RPSA2: variants seen among roughly 807,000 people sequenced by gnomAD.
RPSA2 encodes the protein ribosomal protein SA 2, also known as small ribosomal subunit protein uS2B.
At chr19:23,864,895 C>A in the RPSA2 span, among the ~76,000 whole-genome samples, 1 of 152,146 alleles carries the variant, frequency 6.6e-6, no homozygotes, top group East Asian at 1.9e-4. Context: ...CCCTCTTCTC[C>A]CTGTCTCCTT....
At chr19:23,825,986 A>G in the RPSA2 span, among the ~76,000 whole-genome samples, 1 of 150,932 alleles carries the variant, frequency 6.6e-6, no homozygotes, top group Admixed American at 6.6e-5. Flanking sequence ...ATTTAAAACT[A>G]TCATAACTCT....
At chr19:23,760,364 G>C in the RPSA2 span, among the ~76,000 whole-genome samples, 1 of 152,002 alleles carries the variant, frequency 6.6e-6, no homozygotes, top group South Asian at 2.1e-4. Flanking sequence ...ATTTGTATAG[G>C]CTTTATTAGA....
At chr19:23,855,803 G>A in the RPSA2 span, among the ~76,000 whole-genome samples, 1 of 152,170 alleles carries the variant, frequency 6.6e-6, no homozygotes, top group Admixed American at 6.5e-5. Context: ...ACAGGAGGGT[G>A]AGGAGCTGCA....
At chr19:23,758,846 C>A in the RPSA2 span, 41 of 1,564,726 alleles carry the variant, frequency 2.6e-5, 1 homozygote, top group South Asian at 4.5e-4. Flanking sequence ...GAAGAGGACA[C>A]AGAGCAGTGA....
the RPSA2 span, among the ~76,000 whole-genome samples, chr19:23,868,095 A>T: frequency 1.3e-5 from 2 of 152,228 alleles, no homozygotes; most frequent in East Asian, 1.9e-4. Flanking sequence ...CGACTGCTGC[A>T]TGACTTGAGA....
the RPSA2 span, among the ~76,000 whole-genome samples, chr19:23,845,024 T>A: frequency 7.2e-6 from 1 of 139,122 alleles, no homozygotes. Context: ...TTATTCATTC[T>A]TTGTAGGTTT....
At chr19:23,845,967 G>A in the RPSA2 span, among the ~76,000 whole-genome samples, 2 of 152,146 alleles carry the variant, frequency 1.3e-5, no homozygotes, top group Non-Finnish European at 2.9e-5. Context: ...TGATTTGCCA[G>A]CTTTCCTATC....
the RPSA2 span, among the ~76,000 whole-genome samples, chr19:23,821,819 G>A: frequency 2.0e-5 from 3 of 152,100 alleles, no homozygotes; most frequent in African/African-American, 4.8e-5. Flanking sequence ...GTGAACATTC[G>A]CGTCCCTTTA....
chr19:23,849,314 C>G, the RPSA2 span, among the ~76,000 whole-genome samples: 1 of 79,734 alleles, frequency 1.3e-5, no homozygotes, highest in East Asian at 4.0e-4. Context: ...ATCTGAGGTG[C>G]CCAGGGATGC....
the RPSA2 span, among the ~76,000 whole-genome samples, chr19:23,798,669 C>T: frequency 6.6e-6 from 1 of 151,874 alleles, no homozygotes; most frequent in Admixed American, 6.6e-5. Flanking sequence ...ATATTTATAT[C>T]TAATATCCAA....
chr19:23,856,672 C>T, the RPSA2 span, among the ~76,000 whole-genome samples: 2 of 152,178 alleles, frequency 1.3e-5, no homozygotes, highest in Admixed American at 6.5e-5. Flanking sequence ...TTCTATTTTC[C>T]ATAATTGTCG....
At chr19:23,807,069 C>T in the RPSA2 span, among the ~76,000 whole-genome samples, 1 of 152,140 alleles carries the variant, frequency 6.6e-6, no homozygotes, top group African/African-American at 2.4e-5. Flanking sequence ...TTAATAAACT[C>T]TCTTACAGAT....
chr19:23,775,444 T>C, the RPSA2 span, among the ~76,000 whole-genome samples: 1 of 152,154 alleles, frequency 6.6e-6, no homozygotes, highest in Non-Finnish European at 1.5e-5. Context: ...CACGGGTCCA[T>C]AGCAGCAGAA....
At chr19:23,802,799 A>G in the RPSA2 span, among the ~76,000 whole-genome samples, 148,889 of 152,226 alleles carry the variant, frequency 0.98, 72,907 homozygotes, top group Middle Eastern at 1. Flanking sequence ...TGGATAAATG[A>G]TTTAATTATG....
chr19:23,825,011 G>A, the RPSA2 span, among the ~76,000 whole-genome samples: 2 of 151,214 alleles, frequency 1.3e-5, no homozygotes, highest in African/African-American at 4.9e-5. Flanking sequence ...ATGGAGTCTC[G>A]CTCTGTTTCC....
the RPSA2 span, among the ~76,000 whole-genome samples, chr19:23,761,926 T>TCCTTCCTTCCTTCCTTCCTTCCTTCC: frequency 2.6e-4 from 32 of 124,824 alleles, 5 homozygotes; most frequent in East Asian, 1.1e-3. Flanking sequence ...CTTTCTTTTT[T>TCCTTCCTTCCTTCCTTCCTTCCTTCC]TTTTTTTTTG....
the RPSA2 span, among the ~76,000 whole-genome samples, chr19:23,845,950 A>G: frequency 2.6e-5 from 4 of 152,098 alleles, no homozygotes; most frequent in African/African-American, 7.2e-5. Flanking sequence ...TTTTGGGAGT[A>G]CTTTGTTGAT....
chr19:23,850,103 T>G, the RPSA2 span, among the ~76,000 whole-genome samples: 1 of 151,796 alleles, frequency 6.6e-6, no homozygotes, highest in African/African-American at 2.4e-5. Flanking sequence ...CAGTGCCGCC[T>G]TCTCCTGGTT....
At chr19:23,866,474 A>T in the RPSA2 span, among the ~76,000 whole-genome samples, 1 of 151,098 alleles carries the variant, frequency 6.6e-6, no homozygotes, top group African/African-American at 2.4e-5. Flanking sequence ...AAGGAATGCC[A>T]CCCCAGACCT....
Sources: allele counts gnomAD v4.1 joint callset (sites outside exome capture counted in the v4.1 genomes callset), GRCh38; gene constraint gnomAD v4.1.1; transcripts MANE v1.5; gene names NCBI Gene and HGNC (gene_info 2026-07-23, HGNC 2026-07-21).